Variants in CABIN1 observed in about 807,000 individuals in gnomAD.
The protein encoded by CABIN1 is calcineurin-binding protein cabin-1.
Under a neutral mutation model 227.7 loss-of-function variants are expected in CABIN1, and 133 were observed. The observed-to-expected ratio is 0.58, with a 90% CI of 0.51 to 0.67. CABIN1 has a LOEUF of 0.67. CABIN1 is among the 30% of genes least tolerant of loss of function. CABIN1 has a pLI of 0.00. For missense variants in CABIN1, 2,408 were observed against 2,852.5 expected, an observed-to-expected ratio of 0.84 and a Z score of 3.55; for synonymous variants, 1,086 against 1,155.1, an observed-to-expected ratio of 0.94 and a Z score of 1.21.
At chr22:24,175,841 G>A (rs1274207087) in intron 34 of CABIN1, 3 of 565,890 alleles carry the variant, frequency 5.3e-6, no homozygotes, top group African/African-American at 3.8e-5. Flanking sequence ...AGACTCAGGT[G>A]TGGCCCCACT....
At chr22:24,047,048 A>G (rs2037945520) in intron 6 of CABIN1, among the ~76,000 whole-genome samples, 1 of 152,158 alleles carries the variant, frequency 6.6e-6, no homozygotes, top group South Asian at 2.1e-4. Context: ...TACTCAGTCT[A>G]CTGATTTAAA....
Position 24,063,146 on chromosome 22 carries a change from G to A in CABIN1, c.1884G>A (p.Gln628=), listed in dbSNP as rs745577868. ...TGAAGGCTCGCTTCCTGGCGCTGCA[G>A]GTTAGTTCCATGGTCAGCTGCTTGG... ...YWLKARFLAL[Q]GDMEQALENY... The change falls in exon 14 of 37, where the codon CAG becomes CAA. Residue 628 remains glutamine, a splice_region_variant and synonymous_variant. Coordinates refer to ENST00000263119, the MANE Select transcript of CABIN1 (RefSeq NM_012295.4). 6 of 1,613,988 alleles carry A rather than the reference G, an allele frequency of 3.7e-6. No individual in the cohort carries two copies. In the African/African-American group the frequency reaches 6.7e-5, roughly 18 times the overall value.
rs754840857 is a variant in CABIN1 at position 24,035,513 on chromosome 22, T to A, written c.-5T>A. On this transcript the variant is annotated 5_prime_UTR_variant, in exon 2 of 37. The change abolishes the stop of an existing upstream ORF in the 5' untranslated region. Transcript: ENST00000263119. The stretch of plus-strand genomic sequence containing the variant: ...TGCTCGTGGCAGTGCTGAATCTCTC[T>A]GAATATGGTAAGGACTGATGCCTGC... The A allele has an allele frequency of 1.5e-5, 25 of 1,614,060 alleles. No homozygotes were observed. The South Asian group carries it at 2.6e-4, about 17-fold the overall frequency.
At chr22:24,154,201 A>G (rs1203498085) in intron 29 of CABIN1, among the ~76,000 whole-genome samples, 6 of 152,154 alleles carry the variant, frequency 3.9e-5, no homozygotes, top group Non-Finnish European at 7.4e-5. Flanking sequence ...CTTTGGTCCA[A>G]CTTGATCTTA....
At chr22:24,155,715 G>A in intron 29 of CABIN1, 1 of 297,954 alleles carries the variant, frequency 3.4e-6, no homozygotes, top group Non-Finnish European at 6.2e-6. Flanking sequence ...GGCACCGCCT[G>A]CAGAGGGGGG....
At chr22:24,019,384 C>A (rs975743075) in intron 1 of CABIN1, among the ~76,000 whole-genome samples, 4 of 151,602 alleles carry the variant, frequency 2.6e-5, no homozygotes, top group African/African-American at 9.7e-5. Context: ...CCTGCCTTGG[C>A]CTCCCAAAGT....
Position 24,178,200 on chromosome 22 carries a change from G to T in CABIN1, c.*4G>T, listed in dbSNP as rs1280830880. On this transcript the variant is annotated 3_prime_UTR_variant, in exon 37 of 37. Transcript: ENST00000263119. ...CGACGACTACATGGACATTTGAGGG[G>T]CCACTGCAGCCCCACCGCCACGCCC... is the stretch of plus-strand genomic sequence containing the variant. 1.2e-6 allele frequency: 2 copies of T among 1,612,668 alleles called. No individual in the cohort carries two copies. The highest frequency in any genetic ancestry group is 3.3e-5 in the Admixed American group (2 of 60,026).
intron 29 of CABIN1, among the ~76,000 whole-genome samples, chr22:24,161,723 C>T (rs530791846): frequency 9.2e-5 from 14 of 152,348 alleles, no homozygotes; most frequent in Admixed American, 7.2e-4. Flanking sequence ...GGCACATTCT[C>T]CACACCCTCC....
chr22:24,072,396 C>T lies in CABIN1; in HGVS notation c.2518C>T (p.Pro840Ser). 1.2e-6 allele frequency: 2 copies of T among 1,614,170 alleles called. 1 individual carries two copies. Among genetic ancestry groups the T allele is most frequent in the Non-Finnish European group, 1.7e-6 (2 of 1,180,012 alleles). The change falls in exon 18 of 37, where the codon CCC becomes TCC. Residue 840 changes from proline (P) to serine (S), a missense_variant. Physicochemically the swap from Pro to Ser is moderately conservative, Grantham distance 74. Transcript: ENST00000263119. ...GGCTGTGCAGGAGGAGGCCAAGGAG[C>T]CCCACGTCTCTTCAGTGCTACCCTG... ...SMAVQEEAKE[P>S]HVSSVLPWII...
intron 28 of CABIN1, among the ~76,000 whole-genome samples, chr22:24,120,731 C>G (rs150289392): frequency 3.3e-5 from 5 of 152,054 alleles, no homozygotes; most frequent in African/African-American, 9.7e-5. Flanking sequence ...GAGAATTGCT[C>G]GAACCCGGGA....
chr22:24,168,504 G>T lies in CABIN1; in HGVS notation c.5740G>T (p.Ala1914Ser). The T allele has an allele frequency of 6.4e-7, 1 of 1,561,336 alleles. No homozygotes were observed. The highest frequency in any genetic ancestry group is 1.2e-5 in the South Asian group (1 of 84,838). ...AVKFCQVHLG[A>S]AAQRQASGDT... ...GAAGTTCTGCCAGGTCCATCTTGGG[G>T]CTGCCGCCCAGAGACAGGTAAGCCC... Residue 1914 changes from alanine to serine, a missense_variant, in exon 33 of 37, where the codon GCT becomes TCT. Around this residue, in one of 3 missense-constraint regions of CABIN1, gnomAD observed 714 missense variants for 773.8 expected, o/e 0.92. Transcript: ENST00000263119.
chr22:24,164,760 C>T (rs1787689634), intron 30 of CABIN1, among the ~76,000 whole-genome samples, 197 bp downstream of exon 30: 1 of 152,162 alleles, frequency 6.6e-6, no homozygotes, highest in South Asian at 2.1e-4. Context: ...CCCAGGCACC[C>T]TAGGGCAGAC....
At chr22:24,054,760 TG>T in intron 8 of CABIN1, 112 bp from the exon 9 acceptor site, 1 of 1,312,938 alleles carries the variant, frequency 7.6e-7, no homozygotes, top group Non-Finnish European at 1.1e-6. Context: ...CCCATGGACA[TG>T]GCAGCTCCAG....
rs145864566 is a variant in CABIN1 at position 24,136,524 on chromosome 22, A to ATTTTTTTTTTTTTTTTTTTTTTTTTTTT, written c.4746+2133_4746+2134insTTTTTTTTTTTTTTTTTTTTTTTTTTTT. 1.1e-4 allele frequency among the ~76,000 whole-genome samples: 8 copies of ATTTTTTTTTTTTTTTTTTTTTTTTTTTT among 69,874 alleles called. 2 individuals carry two copies. Among genetic ancestry groups the ATTTTTTTTTTTTTTTTTTTTTTTTTTTT allele is most frequent in the East Asian group, 5.1e-4 (1 of 1,976 alleles). 45.8% of individuals were successfully genotyped at this position (69,874 alleles called of 152,430 possible). On this transcript the variant is annotated intron_variant, in intron 29 of 36. Coordinates refer to ENST00000263119, the MANE Select transcript of CABIN1 (RefSeq NM_012295.4). ...ACTGCCACGCCCAGCTAATTTTTGT[A>ATTTTTTTTTTTTTTTTTTTTTTTTTTTT]TTTTTTTTTTTTTTTTTTTTTTTTA...
intron 24 of CABIN1, among the ~76,000 whole-genome samples, chr22:24,094,842 A>AAG (rs2041789496): frequency 6.7e-6 from 1 of 148,676 alleles, no homozygotes; most frequent in Non-Finnish European, 1.5e-5. Context: ...AAAAAAAAAA[A>AAG]AAAGAAACAA....
intron 28 of CABIN1, among the ~76,000 whole-genome samples, chr22:24,123,133 C>A (rs1410529682): frequency 6.6e-6 from 1 of 152,118 alleles, no homozygotes; most frequent in African/African-American, 2.4e-5. Flanking sequence ...GCCAGTTGAC[C>A]CAGCCATCCC....
chr22:24,063,196 G>A, intron 14 of CABIN1, 50 bp downstream of exon 14: 2 of 1,591,068 alleles, frequency 1.3e-6, no homozygotes, highest in Non-Finnish European at 1.7e-6. Context: ...CACCCAGCAG[G>A]GTGGGCAGAA....
chr22:24,033,213 G>A (rs2036619216), intron 1 of CABIN1, among the ~76,000 whole-genome samples: 1 of 152,238 alleles, frequency 6.6e-6, no homozygotes, highest in Non-Finnish European at 1.5e-5. Context: ...TTGTCTGTGA[G>A]AAAGTACTTC....
intron 8 of CABIN1, 108 bp from the exon 9 acceptor site, chr22:24,054,765 G>GC (rs1265233555): frequency 1.0e-5 from 14 of 1,391,798 alleles, no homozygotes; most frequent in Non-Finnish European, 1.4e-5. Flanking sequence ...GGACATGGCA[G>GC]CTCCAGGAGC....
Sources: allele counts gnomAD v4.1 joint callset (sites outside exome capture counted in the v4.1 genomes callset), GRCh38; gene constraint gnomAD v4.1.1; regional missense constraint gnomAD v4.1.1; transcripts MANE v1.5; gene names NCBI Gene and HGNC (gene_info 2026-07-23, HGNC 2026-07-21).